The following FSIP1 variants were observed in gnomAD, a reference collection of about 807,000 sequenced individuals.
FSIP1 encodes fibrous sheath-interacting protein 1.
FSIP1 carries 65 observed loss-of-function variants against 60.9 expected under a neutral mutation model. The observed-to-expected ratio is 1.07, with a 90% CI of 0.87 to 1.31. The LOEUF is 1.31. FSIP1 is among the 40% of genes most tolerant of loss of function. The pLI, the probability that FSIP1 is intolerant of heterozygous loss-of-function variation, is 0.00. For missense variants in FSIP1, 675 were observed against 665.5 expected (o/e 1.01, Z -0.16); for synonymous variants, 209 against 221.2 (o/e 0.94, Z 0.49).
At chr15:39,690,404 T>G (rs16969573) in intron 10 of FSIP1, among the ~76,000 whole-genome samples, 1,769 of 152,308 alleles carry the variant, frequency 0.012, 29 homozygotes, top group African/African-American at 0.037. Context: ...GGAGGAAGAA[T>G]ACACTTATAT....
At chr15:39,708,754 A>T (rs1416208312) in intron 10 of FSIP1, among the ~76,000 whole-genome samples, 1 of 152,140 alleles carries the variant, frequency 6.6e-6, no homozygotes, top group Non-Finnish European at 1.5e-5. Flanking sequence ...TTCTCTCTTA[A>T]TGTGTCCCAG....
chr15:39,685,724 A>G (rs1190120927), intron 10 of FSIP1, among the ~76,000 whole-genome samples: 1 of 152,244 alleles, frequency 6.6e-6, no homozygotes, highest in Non-Finnish European at 1.5e-5. Context: ...TTTATACAAA[A>G]GATGAGTTTT....
At chr15:39,715,494 C>G (rs183910795) in intron 9 of FSIP1, among the ~76,000 whole-genome samples, 1 of 152,162 alleles carries the variant, frequency 6.6e-6, no homozygotes, top group South Asian at 2.1e-4. Flanking sequence ...TTTGGGTTTT[C>G]GAAACTTTCA....
intron 11 of FSIP1, among the ~76,000 whole-genome samples, chr15:39,614,481 T>C (rs981562917): frequency 6.6e-6 from 1 of 152,038 alleles, no homozygotes; most frequent in Admixed American, 6.5e-5. Flanking sequence ...TCGTCTCTAC[T>C]AAAGATAGAA....
At chr15:39,667,468 T>G (rs368486511) in intron 10 of FSIP1, among the ~76,000 whole-genome samples, 1 of 152,150 alleles carries the variant, frequency 6.6e-6, no homozygotes, top group South Asian at 2.1e-4. Context: ...CAGAAGAGGA[T>G]TGTGTGACCC....
At chr15:39,641,008 G>A (rs577943774) in intron 10 of FSIP1, among the ~76,000 whole-genome samples, 1 of 152,208 alleles carries the variant, frequency 6.6e-6, no homozygotes, top group East Asian at 1.9e-4. Flanking sequence ...TCCTTCTCAG[G>A]CCATATTTAG....
chr15:39,658,787 T>A (rs1893175671), intron 10 of FSIP1, among the ~76,000 whole-genome samples: 1 of 152,200 alleles, frequency 6.6e-6, no homozygotes, highest in South Asian at 2.1e-4. Flanking sequence ...AGCTGCCGTA[T>A]GACCCAGAAA....
At chr15:39,658,404 C>T (rs1443062434) in intron 10 of FSIP1, among the ~76,000 whole-genome samples, 1 of 151,914 alleles carries the variant, frequency 6.6e-6, no homozygotes, top group Non-Finnish European at 1.5e-5. Context: ...TGCCTGCCAC[C>T]ATGCCAAGCT....
chr15:39,649,921 T>C (rs1440669899), intron 10 of FSIP1, among the ~76,000 whole-genome samples: 1 of 152,186 alleles, frequency 6.6e-6, no homozygotes, highest in Non-Finnish European at 1.5e-5. Context: ...GCCAGCTGAG[T>C]GTCAGGCCTC....
intron 5 of FSIP1, among the ~76,000 whole-genome samples, chr15:39,756,634 C>T (rs1401751245): frequency 6.6e-6 from 1 of 151,924 alleles, no homozygotes; most frequent in Non-Finnish European, 1.5e-5. Context: ...ACCCACCCAA[C>T]CTGAAGCTAA....
At chr15:39,733,971 A>G (rs1442921545) in intron 8 of FSIP1, among the ~76,000 whole-genome samples, 1 of 152,142 alleles carries the variant, frequency 6.6e-6, no homozygotes, top group Non-Finnish European at 1.5e-5. Context: ...CCAAAAGGAG[A>G]AAAAAGAGAT....
chr15:39,774,673 T>C (rs905476342), intron 2 of FSIP1, among the ~76,000 whole-genome samples: 1 of 152,096 alleles, frequency 6.6e-6, no homozygotes, highest in Non-Finnish European at 1.5e-5. Context: ...ATAGCTAGGG[T>C]TCTGGACGTA....
chr15:39,630,481 G>T (rs1475786748), intron 10 of FSIP1, among the ~76,000 whole-genome samples: 1 of 152,226 alleles, frequency 6.6e-6, no homozygotes. Flanking sequence ...CCCTTATTAG[G>T]TGGGTATCCA....
chr15:39,737,765 T>G (rs1179694899), intron 8 of FSIP1, among the ~76,000 whole-genome samples: 7 of 152,216 alleles, frequency 4.6e-5, no homozygotes, highest in Non-Finnish European at 1.0e-4. Flanking sequence ...GATTATTTTT[T>G]CACCCAGGTA....
At chr15:39,746,678 A>T (rs1486726699) in intron 5 of FSIP1, among the ~76,000 whole-genome samples, 1 of 152,222 alleles carries the variant, frequency 6.6e-6, no homozygotes, top group East Asian at 1.9e-4. Flanking sequence ...CATTTTGAAA[A>T]TAACTATAAA....
chr15:39,608,678 G>A (rs560125733), intron 11 of FSIP1, among the ~76,000 whole-genome samples: 1 of 152,290 alleles, frequency 6.6e-6, no homozygotes, highest in African/African-American at 2.4e-5. Flanking sequence ...ATTTGTAAGT[G>A]AACTCTGCTG....
At chr15:39,725,669 T>G (rs1320350297) in intron 9 of FSIP1, among the ~76,000 whole-genome samples, 1 of 152,204 alleles carries the variant, frequency 6.6e-6, no homozygotes, top group Non-Finnish European at 1.5e-5. Flanking sequence ...TACTCTCTTA[T>G]GCAATCAGAC....
rs1035771896 is a variant in FSIP1 at position 39,707,381 on chromosome 15, C to T, written c.1188+6063G>A. 2.0e-5 allele frequency among the ~76,000 whole-genome samples: 3 copies of T among 152,098 alleles called. No individual in the cohort carries two copies. In the East Asian group the frequency reaches 5.8e-4, roughly 29 times the overall value. On this transcript the variant is annotated intron_variant, in intron 10 of 11. Transcript: ENST00000350221. ...TCCCACTCTGACCATACGGAGAGGTCGCTAATTTACAGAGTAAGTAGAGAA... is the reference window on the plus strand; with the variant it reads ...TCCCACTCTGACCATACGGAGAGGTTGCTAATTTACAGAGTAAGTAGAGAA...
chr15:39,613,256 G>C (rs1459251588), intron 11 of FSIP1, among the ~76,000 whole-genome samples: 4 of 152,056 alleles, frequency 2.6e-5, no homozygotes, highest in African/African-American at 9.7e-5. Flanking sequence ...AAAATGAAAT[G>C]AAAGAGGAGA....
Sources: allele counts gnomAD v4.1 joint callset (sites outside exome capture counted in the v4.1 genomes callset), GRCh38; gene constraint gnomAD v4.1.1; transcripts MANE v1.5; gene names NCBI Gene and HGNC (gene_info 2026-07-23, HGNC 2026-07-21).